PLEKHA8: variants seen among roughly 807,000 people sequenced by gnomAD.
PLEKHA8 encodes the protein pleckstrin homology domain containing A8, also known as pleckstrin homology domain-containing family A member 8.
Under a neutral mutation model 68.2 loss-of-function variants are expected in PLEKHA8, and 36 were observed. The observed-to-expected ratio is 0.53, with a 90% CI of 0.40 to 0.70. The LOEUF (loss-of-function observed/expected upper bound fraction) is 0.70. Ranked by LOEUF, PLEKHA8 falls within the 30% of genes least tolerant of loss-of-function variation. The pLI, the probability that PLEKHA8 is intolerant of heterozygous loss-of-function variation, is 0.00. For missense variants in PLEKHA8, 505 were observed against 615.4 expected (o/e 0.82, Z 1.90); for synonymous variants, 211 against 216.1 (o/e 0.98, Z 0.20).
At chr7:30,105,235 C>G (rs1354288842) in intron 13 of PLEKHA8, among the ~76,000 whole-genome samples, 1 of 149,180 alleles carries the variant, frequency 6.7e-6, no homozygotes, top group Non-Finnish European at 1.5e-5. Flanking sequence ...CTTTGGGAAG[C>G]CTAGGTAAGT....
intron 13 of PLEKHA8, among the ~76,000 whole-genome samples, chr7:30,077,684 C>T (rs1237844336): frequency 6.6e-6 from 1 of 152,108 alleles, no homozygotes; most frequent in Non-Finnish European, 1.5e-5. Flanking sequence ...CACTCTCTTA[C>T]TGCAAAAATG....
In PLEKHA8 at chr7:30,046,389, G is replaced by A. The variant is rs1372477415; in HGVS notation, c.313+24G>A. 2.6e-6 allele frequency: 4 copies of A among 1,549,160 alleles called. No homozygotes were observed. The African/African-American group carries it at 4.1e-5, about 16-fold the overall frequency. On this transcript the variant is annotated intron_variant, in intron 3 of 13. Transcript: ENST00000449726. ...AGGCAAGTACTGATTGTCCTTTGCT[G>A]TGGAAACCTTGGGAATCACCCACTG...
chr7:30,125,626 A>G (rs1796759729), intron 13 of PLEKHA8, among the ~76,000 whole-genome samples: 1 of 152,098 alleles, frequency 6.6e-6, no homozygotes, highest in Non-Finnish European at 1.5e-5. Context: ...CTCAATCCTA[A>G]TTTCAGTTAT....
intron 7 of PLEKHA8, 94 bp from the exon 8 acceptor site, chr7:30,054,611 CTATG>C (rs1792680469): frequency 1.2e-6 from 1 of 803,646 alleles, no homozygotes; most frequent in East Asian, 3.4e-5. Flanking sequence ...ATTTTTATTT[CTATG>C]TATTTTTCTG....
At chr7:30,117,272 C>G (rs1221730988) in intron 13 of PLEKHA8, among the ~76,000 whole-genome samples, 1 of 152,126 alleles carries the variant, frequency 6.6e-6, no homozygotes, top group African/African-American at 2.4e-5. Flanking sequence ...ATGGCCCTTC[C>G]CACTTAAGTT....
chr7:30,063,365 T>C (rs773490788), intron 12 of PLEKHA8, among the ~76,000 whole-genome samples: 9 of 152,164 alleles, frequency 5.9e-5, no homozygotes, highest in Non-Finnish European at 1.3e-4. Context: ...GATAGAGCCA[T>C]TTATCAGACC....
intron 9 of PLEKHA8, 100 bp from the exon 10 acceptor site, chr7:30,060,784 A>C: frequency 3.3e-6 from 3 of 912,772 alleles, no homozygotes; most frequent in Non-Finnish European, 5.1e-6. Context: ...GCAAAAATTA[A>C]AGTTGTTGGG....
chr7:30,105,064 A>G (rs1796008966), intron 13 of PLEKHA8, among the ~76,000 whole-genome samples: 1 of 152,048 alleles, frequency 6.6e-6, no homozygotes, highest in Non-Finnish European at 1.5e-5. Flanking sequence ...AATGATCTAT[A>G]TCTTGCTAGT....
In PLEKHA8 at chr7:30,082,929, A is replaced by G; in HGVS notation, c.*4142A>G. 1 of 985,404 alleles carries G rather than the reference A, an allele frequency of 1.0e-6. No individual in the cohort carries two copies. Among genetic ancestry groups the G allele is most frequent in the Non-Finnish European group, 1.2e-6 (1 of 829,912 alleles). 61.0% of individuals were successfully genotyped at this position (985,404 alleles called of 1,614,324 possible). A position where few individuals can be genotyped will look rare whatever the true frequency, so the allele number is the denominator to read the frequency against. ...TACCATGTCCTACAAGAACTTGGTT[A>G]TATAATGGTGCGTCTCTGAATCACT... On this transcript the variant is annotated 3_prime_UTR_variant, in exon 14 of 14. Transcript: ENST00000449726.
chr7:30,052,834 C>T lies in PLEKHA8; in HGVS notation c.764C>T (p.Ser255Leu). The change falls in exon 7 of 14, where the codon TCA (serine) becomes TTA (leucine). Residue 255 changes from serine (S) to leucine (L), a missense_variant. Coordinates refer to ENST00000449726, the MANE Select transcript of PLEKHA8 (RefSeq NM_001197026.2). The part of the protein sequence containing the change: ...LKSAEIDCSI[S>L]SEENTDDNIT... ...TCTGCAGAGATAGACTGCAGCATAT[C>T]AAGTGAGGAAAATACAGATGATAAT... 6.3e-7 allele frequency: 1 copy of T among 1,576,660 alleles called. No individual in the cohort carries two copies. The highest frequency in any genetic ancestry group is 2.1e-5 in the Admixed American group (1 of 47,390).
chr7:30,048,253 G>C (rs964167678), intron 4 of PLEKHA8, among the ~76,000 whole-genome samples: 1 of 152,076 alleles, frequency 6.6e-6, no homozygotes, highest in African/African-American at 2.4e-5. Flanking sequence ...TTAATTAATT[G>C]ATAATATTTG....
At chr7:30,061,842 T>A in intron 10 of PLEKHA8, 55 bp from the exon 11 acceptor site, 1 of 1,604,326 alleles carries the variant, frequency 6.2e-7, no homozygotes, top group Non-Finnish European at 8.5e-7. Flanking sequence ...CTATACTGAG[T>A]TGCTTGATAA....
At chr7:30,110,721 A>G (rs1041744042) in intron 13 of PLEKHA8, among the ~76,000 whole-genome samples, 3 of 152,164 alleles carry the variant, frequency 2.0e-5, no homozygotes, top group Admixed American at 2.0e-4. Context: ...TGTTTTTAAT[A>G]TAGCCATCCT....
Position 30,082,201 on chromosome 7 carries a change from T to C in PLEKHA8, c.*3414T>C. ...TTGCATGTTATTCTGATTATTAAAC[T>C]TCCCCCAATGTCATATTCCATGATG... On this transcript the variant is annotated 3_prime_UTR_variant, in exon 14 of 14. Transcript: ENST00000449726. 2.0e-6 allele frequency: 2 copies of C among 985,384 alleles called. No individual in the cohort carries two copies. Among genetic ancestry groups the C allele is most frequent in the Non-Finnish European group, 2.4e-6 (2 of 829,892 alleles). The allele number at this position is 985,384 out of a possible 1,614,324, so 61.0% of individuals were successfully genotyped here.
chr7:30,039,888 T>C (rs1791401456), intron 1 of PLEKHA8, among the ~76,000 whole-genome samples: 1 of 152,238 alleles, frequency 6.6e-6, no homozygotes, highest in South Asian at 2.1e-4. Context: ...ATTGACTAAT[T>C]GCCTTGGCTA....
intron 1 of PLEKHA8, among the ~76,000 whole-genome samples, chr7:30,039,941 A>C (rs575652387): frequency 1.3e-5 from 2 of 152,246 alleles, no homozygotes; most frequent in African/African-American, 2.4e-5. Context: ...AAAAGCAAAC[A>C]TCTTGTCTTG....
rs142753573 is a variant in PLEKHA8 at position 30,121,663 on chromosome 7, C to T, written c.1363-7603C>T. Among the ~76,000 whole-genome samples, 45 of 152,248 alleles carry T rather than the reference C, an allele frequency of 3.0e-4. No homozygotes were observed. In the Middle Eastern group the frequency reaches 0.02, roughly 69 times the overall value. On this transcript the variant is annotated intron_variant, in intron 13 of 13. Coordinates refer to the PLEKHA8 transcript ENST00000396257. ...CCCTACAGTTTATTGATTTCCTTTCCTTTACAAGGAAAAAGAGTTGGCTGC... is the reference window on the plus strand; with the variant it reads ...CCCTACAGTTTATTGATTTCCTTTCTTTTACAAGGAAAAAGAGTTGGCTGC...
intron 13 of PLEKHA8, among the ~76,000 whole-genome samples, chr7:30,112,421 C>G (rs1796303231): frequency 6.6e-6 from 1 of 151,240 alleles, no homozygotes; most frequent in Non-Finnish European, 1.5e-5. Flanking sequence ...AAATGATTCA[C>G]ATGTCAAAAA....
In PLEKHA8 at chr7:30,082,684, A is replaced by G. The variant is rs1245137612; in HGVS notation, c.*3897A>G. The G allele has an allele frequency of 5.1e-6, 5 of 984,790 alleles. No individual in the cohort carries two copies. The African/African-American group carries it at 8.7e-5, about 17-fold the overall frequency. 61.0% of individuals were successfully genotyped at this position (984,790 alleles called of 1,614,324 possible). A position where few individuals can be genotyped will look rare whatever the true frequency, so the allele number is the denominator to read the frequency against. On this transcript the variant is annotated 3_prime_UTR_variant, in exon 14 of 14. Transcript: ENST00000449726. ...AATTAAAAATATGTGATAGGGACCA[A>G]ATAAGTAAAGTACATTTTTCTCCAC...
Sources: gnomAD v4.1 joint callset for allele counts (sites outside exome capture counted in the v4.1 genomes callset) on GRCh38, gnomAD v4.1.1 for gene constraint, MANE v1.5 for transcripts, NCBI Gene and HGNC (gene_info 2026-07-23, HGNC 2026-07-21) for gene names.